The following GPR108 variants were observed in gnomAD, a reference collection of about 807,000 sequenced individuals.
GPR108 encodes G protein-coupled receptor 108, also known as protein GPR108.
In GPR108, 60 loss-of-function variants were observed where a neutral mutation model predicts 74.3. The observed-to-expected ratio is 0.81, with a 90% CI of 0.66 to 1.00. The LOEUF (loss-of-function observed/expected upper bound fraction) is 1.00, where lower values mean the gene tolerates loss of function less well. Ranked by LOEUF, GPR108 falls within the 50% of genes least tolerant of loss-of-function variation. GPR108 has a pLI of 0.00. For synonymous variants in GPR108, 311 were observed against 292.4 expected (o/e 1.06, Z -0.65); for missense variants, 667 against 703.3 (o/e 0.95, Z 0.58).
chr19:6,736,776 T>C, intron 1 of GPR108, 65 bp from the exon 2 acceptor site: 1 of 1,607,982 alleles, frequency 6.2e-7, no homozygotes, highest in Non-Finnish European at 8.5e-7. Context: ...CCCAGGGGTC[T>C]GGCACGAGGA....
chr19:6,732,834 G>T, intron 10 of GPR108, 153 bp downstream of exon 10: 1 of 690,456 alleles, frequency 1.4e-6, no homozygotes, highest in Non-Finnish European at 2.5e-6. Flanking sequence ...TGGACAGAGG[G>T]GATGGGTGAC....
chr19:6,735,709 G>T lies in GPR108; in HGVS notation c.292-5C>A, dbSNP rs757249106. On this transcript the variant is annotated splice_polypyrimidine_tract_variant and splice_region_variant and intron_variant, in intron 3 of 17. Coordinates refer to ENST00000264080, the MANE Select transcript of GPR108 (RefSeq NM_001080452.2). ...GCAGTCCTGGAAATCCCGGGTCTGG[G>T]GGGTGGGCAGGAGGGAGTGAGTCTT... is the stretch of plus-strand genomic sequence containing the variant. 2.3e-5 allele frequency: 37 copies of T among 1,613,754 alleles called. No individual in the cohort carries two copies. The highest frequency in any genetic ancestry group is 3.3e-5 in the Admixed American group (2 of 59,994).
chr19:6,732,188 C>T, intron 12 of GPR108, 33 bp from the exon 13 acceptor site: 1 of 1,612,794 alleles, frequency 6.2e-7, no homozygotes, highest in Non-Finnish European at 8.5e-7. Flanking sequence ...TGGGCACTGC[C>T]TGGCACGCTC....
rs201916200 is a variant in GPR108 at position 6,734,197 on chromosome 19, C to T, written c.485G>A (p.Arg162His). Residue 162 changes from arginine (R) to histidine (H), a missense_variant, in exon 5 of 18, where the codon CGC (arginine) becomes CAC (histidine). Transcript: ENST00000264080. ...GLPKPQATVP[R>H]KVDGGGTSAA... Reference sequence around the variant, plus strand: ...GCCTGACTCACCGCCATCCACCTTGCGGGGGACTGTGGCCTGTGGCTTCGG... The same window carrying T: ...GCCTGACTCACCGCCATCCACCTTGTGGGGGACTGTGGCCTGTGGCTTCGG... 188 of 1,614,074 alleles carry T rather than the reference C, an allele frequency of 1.2e-4. No homozygotes were observed. Among genetic ancestry groups the T allele is most frequent in the Non-Finnish European group, 1.4e-4 (171 of 1,180,040 alleles).
At position 6,732,752 on chromosome 19, in the gene GPR108, T is replaced by C. The variant is rs1024605272; in HGVS notation, c.934-203A>G. 4 of 657,736 alleles carry C rather than the reference T, an allele frequency of 6.1e-6. No individual in the cohort carries two copies. In the African/African-American group the frequency reaches 7.1e-5, roughly 12 times the overall value. The allele number at this position is 657,736 out of a possible 1,614,324, so 40.7% of individuals were successfully genotyped here. A position where few individuals can be genotyped will look rare whatever the true frequency, so the allele number is the denominator to read the frequency against. On this transcript the variant is annotated intron_variant, in intron 10 of 17. Coordinates refer to ENST00000264080, the MANE Select transcript of GPR108 (RefSeq NM_001080452.2). The stretch of plus-strand genomic sequence containing the variant: ...AGTCACAGCTGAAGGGGTGAATAGT[T>C]GGACAATCAGAGACGGACAGTCACA...
Position 6,732,331 on chromosome 19 carries a change from A to G in GPR108, c.1057T>C (p.Trp353Arg), listed in dbSNP as rs1968445849. The G allele has an allele frequency of 1.2e-6, 2 of 1,613,394 alleles. No homozygotes were observed. Among genetic ancestry groups the G allele is most frequent in the African/African-American group, 2.7e-5 (2 of 74,950 alleles). ...FITIALIGSG[W>R]AFIKYVLSDK... ...GACAGGACGTACTTGATGAAGGCCC[A>G]GCCTGAGCCAATCAGGGCGATGGTG... is the stretch of plus-strand genomic sequence containing the variant. Residue 353 changes from tryptophan to arginine, a missense_variant, in exon 12 of 18, where the codon TGG becomes CGG. Trp to Arg is a moderately radical substitution (Grantham distance 101). Transcript: ENST00000264080.
intron 17 of GPR108, 78 bp downstream of exon 17, chr19:6,730,909 G>GGCCCCCCCCCC: frequency 4.5e-6 from 3 of 662,532 alleles, no homozygotes; most frequent in East Asian, 3.9e-5. Context: ...CCTCCCCCCT[G>GGCCCCCCCCCC]CCCACCCTGC....
At chr19:6,733,947 TG>T in intron 6 of GPR108, 34 bp from the exon 7 acceptor site, 1 of 1,614,180 alleles carries the variant, frequency 6.2e-7, no homozygotes, top group Non-Finnish European at 8.5e-7. Context: ...CAGCTGGTTC[TG>T]GGTCCCCGCA....
intron 14 of GPR108, 127 bp downstream of exon 14, chr19:6,731,764 G>T: frequency 8.9e-7 from 1 of 1,117,776 alleles, no homozygotes; most frequent in South Asian, 1.4e-5. Context: ...GCCAGACTGG[G>T]GCATCCAGGG....
At chr19:6,737,035 A>G in intron 1 of GPR108, 1 of 411,164 alleles carries the variant, frequency 2.4e-6, no homozygotes, top group South Asian at 2.8e-5. Context: ...TTTACATTCC[A>G]GTTGAGCTCC....
At chr19:6,734,387 T>TG (rs1968547818) in intron 4 of GPR108, 80 bp from the exon 5 acceptor site, 1 of 1,419,710 alleles carries the variant, frequency 7.0e-7, no homozygotes, top group East Asian at 2.3e-5. Context: ...AGTGGCCCCT[T>TG]GGACCCTCTG....
intron 4 of GPR108, 130 bp from the exon 5 acceptor site, chr19:6,734,437 A>G (rs932330535): frequency 1.3e-5 from 11 of 855,572 alleles, no homozygotes; most frequent in Admixed American, 2.7e-5. Flanking sequence ...CGAGTCAGTT[A>G]TCACTGAGTT....
chr19:6,731,561 AGGGTGGGAGGGAGGGGAGGGGGCTGGG>A, intron 14 of GPR108, 39 bp from the exon 15 acceptor site: 2 of 29,340 alleles, frequency 6.8e-5, no homozygotes, highest in Non-Finnish European at 1.4e-4. Flanking sequence ...GGGGAGACTG[AGGGTGGGAGGGAGGGGAGGGGGCTGGG>A]GGCTGGGAGA....
chr19:6,734,848 C>CGTT (rs545072798), intron 4 of GPR108, among the ~76,000 whole-genome samples: 1 of 139,710 alleles, frequency 7.2e-6, no homozygotes, highest in Non-Finnish European at 1.5e-5. Flanking sequence ...GCCAGCCCTA[C>CGTT]ATTATTATTA....
rs773234074 is a variant in GPR108 at position 6,732,008 on chromosome 19, G to C, written c.1256+17C>G. Reference sequence around the variant, plus strand: ...TGTGCACAGGGCAGAGCCTCAGCCCGGGGGCAGGGTCCTCACCAGACTACG... The same window carrying C: ...TGTGCACAGGGCAGAGCCTCAGCCCCGGGGCAGGGTCCTCACCAGACTACG... On this transcript the variant is annotated intron_variant, in intron 13 of 17. Coordinates refer to ENST00000264080, the MANE Select transcript of GPR108 (RefSeq NM_001080452.2). 10 of 1,611,934 alleles carry C rather than the reference G, an allele frequency of 6.2e-6. No homozygotes were observed. In the East Asian group the frequency reaches 8.9e-5, roughly 14 times the overall value.
Position 6,735,888 on chromosome 19 carries a change from T to TC in GPR108, c.291+19dup. On this transcript the variant is annotated intron_variant, in intron 3 of 17. Coordinates refer to ENST00000264080, the MANE Select transcript of GPR108 (RefSeq NM_001080452.2). ...CTCCCTCCAGCCCCTTCTCCCGTCT[T>TC]CCCCATGCCCTCCACTCACTGAATA... 1 of 1,609,492 alleles carries TC rather than the reference T, an allele frequency of 6.2e-7. No individual in the cohort carries two copies. Among genetic ancestry groups the TC allele is most frequent in the Non-Finnish European group, 8.5e-7 (1 of 1,177,604 alleles).
chr19:6,733,935 A>G (rs758953800), intron 6 of GPR108, 22 bp from the exon 7 acceptor site: 3 of 1,614,048 alleles, frequency 1.9e-6, no homozygotes, highest in African/African-American at 2.7e-5. Context: ...GAGCCCCTCC[A>G]TCAGCTGGTT....
Position 6,732,364 on chromosome 19 carries a change from G to A in GPR108, c.1024C>T (p.Leu342Phe), listed in dbSNP as rs776378854. ...YIAHLLKGALLFITIALIGSG... is the reference protein window; with the variant it reads ...YIAHLLKGALFFITIALIGSG... The stretch of plus-strand genomic sequence containing the variant: ...CCAATCAGGGCGATGGTGATGAAGA[G>A]GAGGGCGCCCTTCAGCCTGAAGGAG... The change falls in exon 12 of 18, where the codon CTC (leucine) becomes TTC (phenylalanine). Residue 342 changes from leucine to phenylalanine, a missense_variant. Leu to Phe is a conservative substitution (Grantham distance 22). Coordinates refer to ENST00000264080, the MANE Select transcript of GPR108 (RefSeq NM_001080452.2). The A allele has an allele frequency of 6.2e-7, 1 of 1,613,582 alleles. No homozygotes were observed. Among genetic ancestry groups the A allele is most frequent in the South Asian group, 1.1e-5 (1 of 91,088 alleles).
At position 6,730,233 on chromosome 19, in the gene GPR108, C is replaced by T. The variant is rs775215041; in HGVS notation, c.*79G>A. 7.3e-6 allele frequency: 10 copies of T among 1,363,592 alleles called. No homozygotes were observed. Among genetic ancestry groups the T allele is most frequent in the Non-Finnish European group, 8.4e-6 (8 of 952,628 alleles). 84.5% of individuals were successfully genotyped at this position (1,363,592 alleles called of 1,614,324 possible). ...GGTCCACATGGACCCCCTCCACCTC[C>T]CCACATACGCTGTGGAAGAAGGGCA... is the stretch of plus-strand genomic sequence containing the variant. On this transcript the variant is annotated 3_prime_UTR_variant, in exon 18 of 18. Coordinates refer to ENST00000264080, the MANE Select transcript of GPR108 (RefSeq NM_001080452.2).
Sources: gnomAD v4.1 joint callset for allele counts (sites outside exome capture counted in the v4.1 genomes callset) on GRCh38, gnomAD v4.1.1 for gene constraint, MANE v1.5 for transcripts, NCBI Gene and HGNC (gene_info 2026-07-23, HGNC 2026-07-21) for gene names.